The following SHROOM3 variants were observed in gnomAD, a reference collection of about 807,000 sequenced individuals.
SHROOM3 encodes shroom family member 3.
A neutral mutation model predicts 138.6 loss-of-function variants in SHROOM3; 47 were observed. That is an observed-to-expected ratio of 0.34 (90% CI 0.27 to 0.43). The LOEUF is 0.43. Ranked by LOEUF, SHROOM3 falls within the 20% of genes least tolerant of loss-of-function variation. SHROOM3 has a pLI of 1.00. For synonymous variants in SHROOM3, 1,062 were observed against 1,063.3 expected (o/e 1.00, Z 0.02); for missense variants, 2,491 against 2,596.5 (o/e 0.96, Z 0.88).
At position 76,779,086 on chromosome 4, in the gene SHROOM3, TG is replaced by T; in HGVS notation, c.5902del (p.Ala1968LeufsTer25). 1 of 1,614,232 alleles carries T rather than the reference TG, an allele frequency of 6.2e-7. No individual in the cohort carries two copies. Among genetic ancestry groups the T allele is most frequent in the East Asian group, 2.2e-5 (1 of 44,882 alleles). The stretch of plus-strand genomic sequence containing the variant: ...GATTTCATTCCCAAGGCTGGGGCCC[TG>T]GCTCTGCCCCCAAACCTCACGAGTG... ...PSDFIPKAGA[L>X]ALPPNLTSEP... On this transcript the variant is annotated frameshift_variant, in exon 11 of 11. Coordinates refer to ENST00000296043, the MANE Select transcript of SHROOM3 (RefSeq NM_020859.4). LOFTEE classifies it low-confidence loss of function (END_TRUNC).
At chr4:76,757,230 A>G (rs1454275813) in intron 8 of SHROOM3, 3 of 381,334 alleles carry the variant, frequency 7.9e-6, no homozygotes, top group Non-Finnish European at 1.5e-5. Flanking sequence ...TTTAATTTTC[A>G]CAAGAACTTT....
chr4:76,501,782 G>T (rs754795096), intron 1 of SHROOM3, among the ~76,000 whole-genome samples: 6 of 152,214 alleles, frequency 3.9e-5, no homozygotes, highest in African/African-American at 7.2e-5. Flanking sequence ...CTGCATGCCA[G>T]CAGGGTGGTA....
intron 2 of SHROOM3, among the ~76,000 whole-genome samples, chr4:76,654,421 G>A (rs1473353139): frequency 6.6e-6 from 1 of 152,144 alleles, no homozygotes; most frequent in African/African-American, 2.4e-5. Flanking sequence ...CTACTGGCTG[G>A]ACTCAAGGGA....
rs150289256 is a variant in SHROOM3 at position 76,546,364 on chromosome 4, G to A, written c.169-9245G>A. ...AGATGAGAGGTAGATGGGAAGAACA[G>A]GAGGAATCACCTCTGTACCCTGTGG... is the stretch of plus-strand genomic sequence containing the variant. On this transcript the variant is annotated intron_variant, in intron 1 of 10. Transcript: ENST00000296043. 4.9e-4 allele frequency among the ~76,000 whole-genome samples: 75 copies of A among 152,298 alleles called. 1 individual carries two copies. In the East Asian group the frequency reaches 0.012, roughly 24 times the overall value.
At chr4:76,646,421 C>T (rs1217557273) in intron 2 of SHROOM3, among the ~76,000 whole-genome samples, 2 of 151,766 alleles carry the variant, frequency 1.3e-5, no homozygotes, top group South Asian at 4.2e-4. Context: ...CATTTCCTTG[C>T]CAAATTGTTT....
intron 2 of SHROOM3, among the ~76,000 whole-genome samples, chr4:76,635,419 C>T (rs1366219255): frequency 6.6e-6 from 1 of 152,164 alleles, no homozygotes; most frequent in African/African-American, 2.4e-5. Flanking sequence ...AAGAAAAAAC[C>T]AGAACCAAAA....
intron 1 of SHROOM3, among the ~76,000 whole-genome samples, chr4:76,456,839 C>T (rs1326550422): frequency 6.6e-6 from 1 of 152,106 alleles, no homozygotes; most frequent in East Asian, 1.9e-4. Context: ...ATCATTAGTT[C>T]TTATAGGTTT....
At chr4:76,581,723 G>T (rs1183778224) in intron 2 of SHROOM3, among the ~76,000 whole-genome samples, 1 of 152,182 alleles carries the variant, frequency 6.6e-6, no homozygotes, top group Admixed American at 6.5e-5. Flanking sequence ...AATGAAAATG[G>T]GCTATAAGGG....
chr4:76,578,648 G>C (rs1320562579), intron 2 of SHROOM3, among the ~76,000 whole-genome samples: 1 of 152,208 alleles, frequency 6.6e-6, no homozygotes, highest in Non-Finnish European at 1.5e-5. Context: ...CCCAAGGTGG[G>C]CTGGAAAGTC....
At chr4:76,745,114 C>T (rs1050729508) in intron 5 of SHROOM3, among the ~76,000 whole-genome samples, 1 of 152,122 alleles carries the variant, frequency 6.6e-6, no homozygotes, top group Non-Finnish European at 1.5e-5. Flanking sequence ...CATTGCAGAA[C>T]AAATAGATAT....
At chr4:76,479,864 A>G (rs1268389404) in intron 1 of SHROOM3, among the ~76,000 whole-genome samples, 2 of 152,192 alleles carry the variant, frequency 1.3e-5, no homozygotes, top group Non-Finnish European at 2.9e-5. Flanking sequence ...AGAATTTCAT[A>G]TCCAGCCAAA....
At chr4:76,590,188 C>G (rs1251130818) in intron 2 of SHROOM3, among the ~76,000 whole-genome samples, 1 of 152,176 alleles carries the variant, frequency 6.6e-6, no homozygotes, top group Non-Finnish European at 1.5e-5. Context: ...CTGAACAACT[C>G]AAAACCCCAG....
intron 2 of SHROOM3, among the ~76,000 whole-genome samples, chr4:76,569,436 C>T (rs1733791731): frequency 6.6e-6 from 1 of 152,158 alleles, no homozygotes; most frequent in Admixed American, 6.5e-5. Context: ...GACTTAGCCT[C>T]AGGTCACAGG....
At chr4:76,552,464 G>A (rs921873671) in intron 1 of SHROOM3, among the ~76,000 whole-genome samples, 3 of 150,952 alleles carry the variant, frequency 2.0e-5, no homozygotes, top group African/African-American at 4.8e-5. Flanking sequence ...CCAAGACTGT[G>A]CCACTGCACT....
intron 2 of SHROOM3, among the ~76,000 whole-genome samples, chr4:76,615,251 C>G (rs979656015): frequency 6.6e-6 from 1 of 152,174 alleles, no homozygotes; most frequent in Non-Finnish European, 1.5e-5. Context: ...CGCCTTCAAC[C>G]AAAAGCATAG....
intron 1 of SHROOM3, among the ~76,000 whole-genome samples, chr4:76,512,912 A>G (rs1017636960): frequency 1.3e-5 from 2 of 152,238 alleles, no homozygotes; most frequent in Non-Finnish European, 2.9e-5. Context: ...GGATTGGATC[A>G]TAACCAACTT....
chr4:76,615,426 A>G (rs979846748), intron 2 of SHROOM3, among the ~76,000 whole-genome samples: 16 of 152,222 alleles, frequency 1.1e-4, no homozygotes, highest in African/African-American at 3.9e-4. Context: ...ACTGATGCCG[A>G]AACGTGGTGT....
chr4:76,772,670 C>T (rs1199775532), intron 10 of SHROOM3, among the ~76,000 whole-genome samples: 1 of 152,106 alleles, frequency 6.6e-6, no homozygotes, highest in African/African-American at 2.4e-5. Flanking sequence ...GTCCTGTCCT[C>T]CTTTCTTCCA....
chr4:76,721,166 CCGGGCGTAGTGGCGGGCGCCTGTAGT>C (rs1720538888), intron 3 of SHROOM3, among the ~76,000 whole-genome samples: 1 of 151,498 alleles, frequency 6.6e-6, no homozygotes. Flanking sequence ...AAAAAATTAG[CCGGGCGTAGTGGCGGGCGCCTGTAGT>C]CCCAGCTACT....
Sources: allele counts gnomAD v4.1 joint callset (sites outside exome capture counted in the v4.1 genomes callset), GRCh38; gene constraint gnomAD v4.1.1; transcripts MANE v1.5; gene names NCBI Gene and HGNC (gene_info 2026-07-23, HGNC 2026-07-21).